FZD5: variants seen among roughly 807,000 people sequenced by gnomAD.
FZD5 encodes frizzled class receptor 5.
FZD5 carries 12 observed loss-of-function variants against 40.8 expected under a neutral mutation model. The observed-to-expected ratio is 0.29, with a 90% CI of 0.19 to 0.48. The LOEUF is 0.48. FZD5 is among the 20% of genes least tolerant of loss of function. The pLI is 0.99. For missense variants in FZD5, 622 were observed against 832.8 expected (o/e 0.75, Z 3.12); for synonymous variants, 380 against 383.7 (o/e 0.99, Z 0.11).
Position 207,768,930 on chromosome 2 carries a change from G to C in FZD5, c.-191C>G, listed in dbSNP as rs1372287411. ...GGAAGGCGCTGCCTCCGCTGGCAGC[G>C]CTCCGCTCCTCGCCGGATAGGGCTG... On this transcript the variant is annotated 5_prime_UTR_variant, in exon 2 of 2. Coordinates refer to ENST00000295417, the MANE Select transcript of FZD5 (RefSeq NM_003468.4). 11 of 599,546 alleles carry C rather than the reference G, an allele frequency of 1.8e-5. No individual in the cohort carries two copies. The highest frequency in any genetic ancestry group is 3.3e-5 in the Non-Finnish European group (11 of 332,454). 37.1% of individuals were successfully genotyped at this position (599,546 alleles called of 1,614,324 possible).
In FZD5 at chr2:207,768,056, A is replaced by G. The variant is rs189865402; in HGVS notation, c.684T>C (p.Ser228=). Residue 228 remains serine, a synonymous_variant, in exon 2 of 2, where the codon AGT becomes AGC. Coordinates refer to ENST00000295417, the MANE Select transcript of FZD5 (RefSeq NM_003468.4). ...AGGTGGCGAACGTGCGCTCGTCGGC[A>G]CTGAAGGACGGCTGGTAGCAGGGTA... ...CAVPCYQPSF[S]ADERTFATFW... 1.7e-5 allele frequency: 28 copies of G among 1,613,046 alleles called. No individual in the cohort carries two copies. The African/African-American group carries it at 3.6e-4, about 21-fold the overall frequency.
rs924325538 is a variant in FZD5 at position 207,764,903 on chromosome 2, G to A, written c.*2079C>T. On this transcript the variant is annotated 3_prime_UTR_variant, in exon 2 of 2. Transcript: ENST00000295417. ...GGAGAGGAATTGGCATTCAGTCAAG[G>A]GATCTATTTCAAGATTCTAGGAAGA... 1 of 152,154 alleles carries A rather than the reference G, an allele frequency of 6.6e-6. No individual in the cohort carries two copies. The highest frequency in any genetic ancestry group is 2.4e-5 in the African/African-American group (1 of 41,428). 9.4% of individuals were successfully genotyped at this position (152,154 alleles called of 1,614,324 possible).
rs1425946279 is a variant in FZD5, at chr2:207,763,481, A to G, written c.*3501T>C. 6.6e-6 allele frequency: 1 copy of G among 152,660 alleles called. No homozygotes were observed. Among genetic ancestry groups the G allele is most frequent in the African/African-American group, 2.4e-5 (1 of 41,464 alleles). The allele number at this position is 152,660 out of a possible 1,614,324, so 9.5% of individuals were successfully genotyped here. A position where few individuals can be genotyped will look rare whatever the true frequency, so the allele number is the denominator to read the frequency against. On this transcript the variant is annotated 3_prime_UTR_variant, in exon 2 of 2. Transcript: ENST00000295417. ...CTTGATTGGACTTTGGAAACAAGAAAGAGCATGCAGAGGGAGCAGGCAATT... is the reference window on the plus strand; with the variant it reads ...CTTGATTGGACTTTGGAAACAAGAAGGAGCATGCAGAGGGAGCAGGCAATT...
At position 207,768,044 on chromosome 2, in the gene FZD5, G is replaced by A. The variant is rs1559180160; in HGVS notation, c.696C>T (p.Arg232=). 1.2e-6 allele frequency: 2 copies of A among 1,611,942 alleles called. No individual in the cohort carries two copies. ...CYQPSFSADE[R]TFATFWIGLW... ...GGCCTATCCAGAAGGTGGCGAACGT[G>A]CGCTCGTCGGCACTGAAGGACGGCT... is the stretch of plus-strand genomic sequence containing the variant. Residue 232 remains arginine (R), a synonymous_variant, in exon 2 of 2, where the codon CGC becomes CGT. Transcript: ENST00000295417.
At position 207,762,880 on chromosome 2, in the gene FZD5, C is replaced by G. The variant is rs1448991456; in HGVS notation, c.*4102G>C. On this transcript the variant is annotated 3_prime_UTR_variant, in exon 2 of 2. Transcript: ENST00000295417. ...AGAAACAAAAACTCATCAAGCTGCT[C>G]TGGGTTTCCTTTTGTAAGTGTTACA... 1 of 152,646 alleles carries G rather than the reference C, an allele frequency of 6.6e-6. No homozygotes were observed. The highest frequency in any genetic ancestry group is 2.1e-4 in the South Asian group (1 of 4,832). The allele number at this position is 152,646 out of a possible 1,614,324, so 9.5% of individuals were successfully genotyped here.
In FZD5 at chr2:207,767,165, C is replaced by G; in HGVS notation, c.1575G>C (p.Lys525Asn). 3.2e-6 allele frequency: 5 copies of G among 1,586,812 alleles called. No homozygotes were observed. Among genetic ancestry groups the G allele is most frequent in the Non-Finnish European group, 4.3e-6 (5 of 1,168,018 alleles). ...TGAAACGCCGCCACGACTCCACCGTCTTGCCCGACCAGATCCAGACGCCCG... is the reference window on the plus strand; with the variant it reads ...TGAAACGCCGCCACGACTCCACCGTGTTGCCCGACCAGATCCAGACGCCCG... Reference protein sequence around the residue: ...ITSGVWIWSGKTVESWRRFTS... With the variant: ...ITSGVWIWSGNTVESWRRFTS... The change falls in exon 2 of 2, where the codon AAG becomes AAC. Residue 525 changes from lysine (K) to asparagine (N), a missense_variant. Physicochemically the swap from Lys to Asn is moderately conservative, Grantham distance 94. Around this residue, in one of 4 missense-constraint regions of FZD5, gnomAD observed 154 missense variants for 152.1 expected, o/e 1.01. Transcript: ENST00000295417.
Position 207,768,125 on chromosome 2 carries a change from C to A in FZD5, c.615G>T (p.Pro205=), listed in dbSNP as rs761324352. 3.0e-5 allele frequency: 49 copies of A among 1,612,656 alleles called. No individual in the cohort carries two copies. The highest frequency in any genetic ancestry group is 4.1e-5 in the Non-Finnish European group (48 of 1,179,840). ...GGCCCGTCCGCACCTTGTTGTAGAG[C>A]GGGTGTGACTCCTTCAGAATGGGCA... The part of the protein sequence containing the change: ...PFVPILKESH[P]LYNKVRTGQV... The change falls in exon 2 of 2, where the codon CCG becomes CCT. Residue 205 remains proline, a synonymous_variant. Transcript: ENST00000295417.
At position 207,766,871 on chromosome 2, in the gene FZD5, G is replaced by C. The variant is rs541760352; in HGVS notation, c.*111C>G. On this transcript the variant is annotated 3_prime_UTR_variant, in exon 2 of 2. Coordinates refer to ENST00000295417, the MANE Select transcript of FZD5 (RefSeq NM_003468.4). ...CTCTTCCCTCTCTCCAAGTCGCCGC[G>C]GGAGGGGGCAACAGCACCATGAAGG... 15 of 868,424 alleles carry C rather than the reference G, an allele frequency of 1.7e-5. No individual in the cohort carries two copies. The East Asian group carries it at 3.0e-4, about 17-fold the overall frequency. The allele number at this position is 868,424 out of a possible 1,614,324, so 53.8% of individuals were successfully genotyped here.
At position 207,767,153 on chromosome 2, in the gene FZD5, C is replaced by T; in HGVS notation, c.1587G>A (p.Ser529=). Residue 529 remains serine (S), a synonymous_variant, in exon 2 of 2, where the codon TCG becomes TCA. Transcript: ENST00000295417. ...VWIWSGKTVE[S]WRRFTSRCCC... is the part of the protein sequence containing the mutation. ...AGCAGCGGCTGGTGAAACGCCGCCA[C>T]GACTCCACCGTCTTGCCCGACCAGA... 1 of 1,575,702 alleles carries T rather than the reference C, an allele frequency of 6.3e-7. No homozygotes were observed. The highest frequency in any genetic ancestry group is 8.6e-7 in the Non-Finnish European group (1 of 1,162,390).
At position 207,767,225 on chromosome 2, in the gene FZD5, G is replaced by C; in HGVS notation, c.1515C>G (p.Leu505=). 9 of 1,609,754 alleles carry C rather than the reference G, an allele frequency of 5.6e-6. No homozygotes were observed. Among genetic ancestry groups the C allele is most frequent in the Non-Finnish European group, 7.6e-6 (9 of 1,178,502 alleles). Reference sequence around the variant, plus strand: ...CCACCACCAGGCACATGAAGTACTTGAGCATGAGCACCCAGTACTCGGGCT... The same window carrying C: ...CCACCACCAGGCACATGAAGTACTTCAGCATGAGCACCCAGTACTCGGGCT... The part of the protein sequence containing the change: ...RAKPEYWVLM[L]KYFMCLVVGI... The change falls in exon 2 of 2, where the codon CTC becomes CTG. Residue 505 remains leucine, a synonymous_variant. Transcript: ENST00000295417.
Position 207,768,184 on chromosome 2 carries a change from C to T in FZD5, c.556G>A (p.Gly186Ser). 6.2e-7 allele frequency: 1 copy of T among 1,601,318 alleles called. No homozygotes were observed. The highest frequency in any genetic ancestry group is 8.5e-7 in the Non-Finnish European group (1 of 1,177,966). ...PASGGECPAG[G>S]PFVCKCREPF... ...TCGCGACACTTGCACACGAACGGGC[C>T]CCCAGCGGGGCATTCGCCCCCCGAG... The change falls in exon 2 of 2, where the codon GGC (glycine) becomes AGC (serine). Residue 186 changes from glycine (G) to serine (S), a missense_variant. This residue lies in a region of FZD5 where 116 missense variants were observed against 117.7 expected (regional missense o/e 0.99). Coordinates refer to ENST00000295417, the MANE Select transcript of FZD5 (RefSeq NM_003468.4).
chr2:207,765,020 T>G lies in FZD5; in HGVS notation c.*1962A>C, dbSNP rs375614281. ...GGTTTTGTAGAATCCACTGAAATTTTAATTCAGAGGATAAATTGGGTAAGA... is the reference window on the plus strand; with the variant it reads ...GGTTTTGTAGAATCCACTGAAATTTGAATTCAGAGGATAAATTGGGTAAGA... On this transcript the variant is annotated 3_prime_UTR_variant, in exon 2 of 2. Coordinates refer to ENST00000295417, the MANE Select transcript of FZD5 (RefSeq NM_003468.4). 6.6e-6 allele frequency: 1 copy of G among 152,244 alleles called. No individual in the cohort carries two copies. Among genetic ancestry groups the G allele is most frequent in the East Asian group, 1.9e-4 (1 of 5,200 alleles). 9.4% of individuals were successfully genotyped at this position (152,244 alleles called of 1,614,324 possible).
chr2:207,768,175 C>A lies in FZD5; in HGVS notation c.565G>T (p.Val189Leu). 6 of 1,604,428 alleles carry A rather than the reference C, an allele frequency of 3.7e-6. No homozygotes were observed. The highest frequency in any genetic ancestry group is 5.1e-6 in the Non-Finnish European group (6 of 1,178,846). Reference sequence around the variant, plus strand: ...ACGAAGGGCTCGCGACACTTGCACACGAACGGGCCCCCAGCGGGGCATTCG... The same window carrying A: ...ACGAAGGGCTCGCGACACTTGCACAAGAACGGGCCCCCAGCGGGGCATTCG... ...GGECPAGGPFVCKCREPFVPI... is the reference protein window; with the variant it reads ...GGECPAGGPFLCKCREPFVPI... Residue 189 changes from valine to leucine, a missense_variant, in exon 2 of 2, where the codon GTG (valine) becomes TTG (leucine). Coordinates refer to ENST00000295417, the MANE Select transcript of FZD5 (RefSeq NM_003468.4).
At position 207,765,032 on chromosome 2, in the gene FZD5, T is replaced by C. The variant is rs1000934893; in HGVS notation, c.*1950A>G. On this transcript the variant is annotated 3_prime_UTR_variant, in exon 2 of 2. Coordinates refer to ENST00000295417, the MANE Select transcript of FZD5 (RefSeq NM_003468.4). ...TCCACTGAAATTTTAATTCAGAGGA[T>C]AAATTGGGTAAGAGCAGTGCATTTT... is the stretch of plus-strand genomic sequence containing the variant. The C allele has an allele frequency of 6.6e-6, 1 of 152,234 alleles. No individual in the cohort carries two copies. The highest frequency in any genetic ancestry group is 2.4e-5 in the African/African-American group (1 of 41,466). The allele number at this position is 152,234 out of a possible 1,614,324, so 9.4% of individuals were successfully genotyped here.
rs145475301 is a variant in FZD5, at chr2:207,767,630, G to C, written c.1110C>G (p.Val370=). The C allele has an allele frequency of 4.6e-5, 74 of 1,613,072 alleles. No homozygotes were observed. The African/African-American group carries it at 8.8e-4, about 19-fold the overall frequency. ...TCAGCGCCAGTGCCGTGATGGACTTGACGCTGGGGATGAGCCACGCAGCCA... is the reference window on the plus strand; with the variant it reads ...TCAGCGCCAGTGCCGTGATGGACTTCACGCTGGGGATGAGCCACGCAGCCA... ...FHLAAWLIPS[V]KSITALALSS... Residue 370 remains valine (V), a synonymous_variant, in exon 2 of 2, where the codon GTC becomes GTG. Transcript: ENST00000295417.
chr2:207,768,283 T>A lies in FZD5; in HGVS notation c.457A>T (p.Ser153Cys). 1 of 1,543,508 alleles carries A rather than the reference T, an allele frequency of 6.5e-7. No homozygotes were observed. Among genetic ancestry groups the A allele is most frequent in the South Asian group, 1.2e-5 (1 of 84,984 alleles). Residue 153 changes from serine (S) to cysteine (C), a missense_variant, in exon 2 of 2, where the codon AGC (serine) becomes TGC (cysteine). Around this residue, in one of 4 missense-constraint regions of FZD5, gnomAD observed 116 missense variants for 117.7 expected, o/e 0.99. Coordinates refer to ENST00000295417, the MANE Select transcript of FZD5 (RefSeq NM_003468.4). ...AEVLCMDYNR[S>C]EATTAPPRPF... ...CTGGGGGGCGCCGTGGTGGCCTCGC[T>A]GCGGTTGTAATCCATGCAGAGGACC...
rs1340652389 is a variant in FZD5, at chr2:207,765,009, C to CA, written c.*1972dup. The CA allele has an allele frequency of 6.6e-6, 1 of 152,086 alleles. No homozygotes were observed. Among genetic ancestry groups the CA allele is most frequent in the African/African-American group, 2.4e-5 (1 of 41,380 alleles). The allele number at this position is 152,086 out of a possible 1,614,324, so 9.4% of individuals were successfully genotyped here. On this transcript the variant is annotated 3_prime_UTR_variant, in exon 2 of 2. Transcript: ENST00000295417. The stretch of plus-strand genomic sequence containing the variant: ...TATTTGTACGAGGTTTTGTAGAATC[C>CA]ACTGAAATTTTAATTCAGAGGATAA...
Position 207,768,915 on chromosome 2 carries a change from G to A in FZD5, c.-176C>T. 1.6e-6 allele frequency: 1 copy of A among 607,720 alleles called. No individual in the cohort carries two copies. Among genetic ancestry groups the A allele is most frequent in the South Asian group, 2.1e-5 (1 of 48,494 alleles). The allele number at this position is 607,720 out of a possible 1,614,324, so 37.6% of individuals were successfully genotyped here. A position where few individuals can be genotyped will look rare whatever the true frequency, so the allele number is the denominator to read the frequency against. ...AGATAAACTGCTTCGGGAAGGCGCT[G>A]CCTCCGCTGGCAGCGCTCCGCTCCT... On this transcript the variant is annotated 5_prime_UTR_variant, in exon 2 of 2. Transcript: ENST00000295417.
Position 207,767,563 on chromosome 2 carries a change from C to T in FZD5, c.1177G>A (p.Gly393Ser). The change falls in exon 2 of 2, where the codon GGC becomes AGC. Residue 393 changes from glycine (G) to serine (S), a missense_variant. Around this residue, in one of 4 missense-constraint regions of FZD5, gnomAD observed 208 missense variants for 348.9 expected, o/e 0.60. Transcript: ENST00000295417. The part of the protein sequence containing the change: ...GDPVAGICYV[G>S]NQNLNSLRGF... ...CGCAGCGAGTTCAGGTTCTGGTTGC[C>T]CACGTAGCAGATGCCGGCCACTGGG... The T allele has an allele frequency of 6.2e-7, 1 of 1,611,392 alleles. No homozygotes were observed. Among genetic ancestry groups the T allele is most frequent in the Non-Finnish European group, 8.5e-7 (1 of 1,179,894 alleles).
Sources: gnomAD v4.1 joint callset for allele counts on GRCh38, gnomAD v4.1.1 for gene constraint, gnomAD v4.1.1 regional missense constraint, MANE v1.5 for transcripts, NCBI Gene and HGNC (gene_info 2026-07-23, HGNC 2026-07-21) for gene names.